The following PCDHA7 variants were observed in gnomAD, a reference collection of about 807,000 sequenced individuals.
PCDHA7 encodes protocadherin alpha 7.
PCDHA7 carries 37 observed loss-of-function variants against 57.2 expected under a neutral mutation model. That is an observed-to-expected ratio of 0.65 (90% confidence interval 0.50 to 0.85). The LOEUF (loss-of-function observed/expected upper bound fraction) is 0.85, where lower values mean the gene tolerates loss of function less well. Among genes scored for constraint, PCDHA7 ranks in the 40% least tolerant of loss-of-function variants. The pLI is 0.00. For synonymous variants in PCDHA7, 553 were observed against 558.8 expected (o/e 0.99, Z 0.15); for missense variants, 1,188 against 1,241.8 (o/e 0.96, Z 0.65).
chr5:140,843,528 A>G (rs2150362110), intron 1 of PCDHA7: 1 of 1,596,000 alleles, frequency 6.3e-7, no homozygotes, highest in Non-Finnish European at 8.6e-7. Context: ...CGGGCGGGCA[A>G]GCCCACTCTG....
At chr5:140,884,071 G>C (rs1425122045) in intron 1 of PCDHA7, 7 of 1,613,400 alleles carry the variant, frequency 4.3e-6, no homozygotes, top group African/African-American at 2.7e-5. Context: ...ACGCCGATTC[G>C]GGCTACAATG....
At chr5:140,930,002 C>T (rs1304233576) in intron 1 of PCDHA7, 4 of 152,196 alleles carry the variant, frequency 2.6e-5, no homozygotes, top group African/African-American at 9.6e-5. Flanking sequence ...CACCCTAAAA[C>T]ATAGCTGATA....
intron 1 of PCDHA7, among the ~76,000 whole-genome samples, chr5:140,925,538 C>T (rs1387501905): frequency 6.6e-6 from 1 of 151,860 alleles, no homozygotes; most frequent in Non-Finnish European, 1.5e-5. Flanking sequence ...AGGAGAAATA[C>T]CTAATGTAAA....
chr5:140,875,100 G>A (rs558585314), intron 1 of PCDHA7, among the ~76,000 whole-genome samples: 2 of 152,240 alleles, frequency 1.3e-5, no homozygotes, highest in Admixed American at 6.5e-5. Context: ...TTGATGTTTT[G>A]TTACTAATAT....
intron 1 of PCDHA7, among the ~76,000 whole-genome samples, chr5:140,942,047 T>C (rs2093223138): frequency 6.6e-6 from 1 of 152,228 alleles, no homozygotes; most frequent in African/African-American, 2.4e-5. Context: ...TGGTCTATTA[T>C]GAAATGTTTG....
intron 1 of PCDHA7, chr5:140,847,818 C>T (rs1781197996): frequency 1.3e-5 from 2 of 149,818 alleles, no homozygotes; most frequent in African/African-American, 2.4e-5. Flanking sequence ...CATAGAATTA[C>T]TCAAGAAAAC....
chr5:140,932,493 T>C (rs148938081), intron 1 of PCDHA7, among the ~76,000 whole-genome samples: 1 of 151,888 alleles, frequency 6.6e-6, no homozygotes, highest in Non-Finnish European at 1.5e-5. Flanking sequence ...CTTTGCAATG[T>C]CATTTGTTAA....
chr5:140,911,378 C>T lies in PCDHA7; in HGVS notation c.2356-67571C>T, dbSNP rs184939316. On this transcript the variant is annotated intron_variant, in intron 1 of 3. Transcript: ENST00000525929. ...ACAGTAGACACCTGGCAAGGCTGTG[C>T]ATGCACCTTTCATTGCAGGTCAGCC... Among the ~76,000 whole-genome samples the T allele has an allele frequency of 8.0e-3, 1,215 of 152,282 alleles. 6 individuals carry two copies. The highest frequency in any genetic ancestry group is 0.019 in the African/African-American group (783 of 41,542).
intron 1 of PCDHA7, chr5:140,927,075 C>A (rs1304732952): frequency 1.9e-6 from 3 of 1,611,070 alleles, no homozygotes; most frequent in Non-Finnish European, 2.5e-6. Context: ...TTTCCAGCCA[C>A]CGCGAGCTCT....
intron 1 of PCDHA7, among the ~76,000 whole-genome samples, chr5:140,910,407 C>T (rs781871391): frequency 6.6e-6 from 1 of 152,134 alleles, no homozygotes; most frequent in Non-Finnish European, 1.5e-5. Context: ...CCTGCCACCT[C>T]GAGATCCAAT....
At chr5:140,937,769 G>C (rs908179495) in intron 1 of PCDHA7, among the ~76,000 whole-genome samples, 1 of 151,776 alleles carries the variant, frequency 6.6e-6, no homozygotes, top group Non-Finnish European at 1.5e-5. Context: ...AAAATTAGTC[G>C]GGCGTGGTGG....
At chr5:140,987,544 A>G (rs1316604535) in intron 3 of PCDHA7, among the ~76,000 whole-genome samples, 1 of 152,180 alleles carries the variant, frequency 6.6e-6, no homozygotes, top group Non-Finnish European at 1.5e-5. Context: ...CCATTACTTA[A>G]CTTTCCTGAT....
At position 141,011,371 on chromosome 5, in the gene PCDHA7, G is replaced by A. The variant is rs782444449; in HGVS notation, c.*1434G>A. 6.5e-6 allele frequency: 1 copy of A among 153,724 alleles called. No homozygotes were observed. The highest frequency in any genetic ancestry group is 1.5e-5 in the Non-Finnish European group (1 of 68,022). 9.5% of individuals were successfully genotyped at this position (153,724 alleles called of 1,614,324 possible). On this transcript the variant is annotated 3_prime_UTR_variant, in exon 4 of 4. Transcript: ENST00000525929. ...CTCCCATATGTATGCTGTATGCTAT[G>A]CTAAGACTCCTGAAATATACTTACT...
intron 1 of PCDHA7, chr5:140,875,879 G>A: frequency 6.2e-7 from 1 of 1,614,214 alleles, no homozygotes. Context: ...TTCAGAGAAA[G>A]GGAACAAAAG....
chr5:140,876,774 G>A lies in PCDHA7; in HGVS notation c.2355+40036G>A, dbSNP rs370558767. 5.3e-5 allele frequency: 85 copies of A among 1,614,110 alleles called. No homozygotes were observed. The South Asian group carries it at 8.5e-4, about 16-fold the overall frequency. ...CTGCGCGGGATGGGGGCTCGCCTTC[G>A]CTGTGGGCCACGGCTAGAGTGTCCG... is the stretch of plus-strand genomic sequence containing the variant. On this transcript the variant is annotated intron_variant, in intron 1 of 3. Coordinates refer to ENST00000525929, the MANE Select transcript of PCDHA7 (RefSeq NM_018910.3).
intron 3 of PCDHA7, among the ~76,000 whole-genome samples, chr5:140,987,520 G>T (rs1221115195): frequency 2.0e-5 from 3 of 152,106 alleles, no homozygotes; most frequent in Non-Finnish European, 4.4e-5. Context: ...CTCAGTAATT[G>T]TATGTTCCTG....
At chr5:140,913,145 G>A (rs2076230074) in intron 1 of PCDHA7, among the ~76,000 whole-genome samples, 1 of 152,150 alleles carries the variant, frequency 6.6e-6, no homozygotes, top group Non-Finnish European at 1.5e-5. Context: ...TTTTGGAATA[G>A]TTTGAGTAGG....
chr5:140,878,139 T>G, intron 1 of PCDHA7: 1 of 191,254 alleles, frequency 5.2e-6, no homozygotes, highest in South Asian at 1.6e-4. Flanking sequence ...AGTGGCCAGA[T>G]GTTTGATAAC....
At chr5:140,871,116 C>T (rs200344692) in intron 1 of PCDHA7, 44 of 1,613,146 alleles carry the variant, frequency 2.7e-5, no homozygotes, top group Non-Finnish European at 3.6e-5. Flanking sequence ...TGGTGGAGAG[C>T]GGACAGGCGC....
Sources: allele counts gnomAD v4.1 joint callset (sites outside exome capture counted in the v4.1 genomes callset), GRCh38; gene constraint gnomAD v4.1.1; transcripts MANE v1.5; gene names NCBI Gene and HGNC (gene_info 2026-07-23, HGNC 2026-07-21).